COG5: variants seen among roughly 807,000 people sequenced by gnomAD.
COG5 encodes component of oligomeric golgi complex 5, also known as conserved oligomeric Golgi complex subunit 5.
A neutral mutation model predicts 110.4 loss-of-function variants in COG5; 86 were observed. The observed-to-expected ratio is 0.78, with a 90% CI of 0.65 to 0.93. COG5 has a LOEUF of 0.93. Ranked by LOEUF, COG5 falls within the 40% of genes least tolerant of loss-of-function variation. COG5 has a pLI of 0.00. For synonymous variants in COG5, 360 were observed against 334.6 expected, an observed-to-expected ratio of 1.08 and a Z score of -0.83; for missense variants, 1,077 against 987.0, an observed-to-expected ratio of 1.09 and a Z score of -1.22.
intron 6 of COG5, among the ~76,000 whole-genome samples, chr7:107,499,751 G>T (rs117230757): frequency 1.7e-3 from 257 of 152,202 alleles, no homozygotes; most frequent in African/African-American, 5.9e-3. Context: ...AGAGGGAACT[G>T]GAGTCTGTTA....
intron 20 of COG5, 25 bp from the exon 21 acceptor site, chr7:107,210,630 G>T: frequency 6.3e-7 from 1 of 1,580,306 alleles, no homozygotes; most frequent in Non-Finnish European, 8.6e-7. Context: ...CACAATTAGA[G>T]AGAGTGCATA....
At chr7:107,350,134 T>A (rs912943532) in intron 10 of COG5, among the ~76,000 whole-genome samples, 1 of 152,222 alleles carries the variant, frequency 6.6e-6, no homozygotes, top group African/African-American at 2.4e-5. Flanking sequence ...ATTGAGAGGA[T>A]CATACAAATT....
chr7:107,416,747 G>A lies in COG5; in HGVS notation c.539-4115C>T, dbSNP rs149747327. The stretch of plus-strand genomic sequence containing the variant: ...TAGACATGGATAATAAGACAAATCA[G>A]TTAAAATGTATAATGTCTGTATGAG... On this transcript the variant is annotated intron_variant, in intron 6 of 21. Transcript: ENST00000297135. Among the ~76,000 whole-genome samples the A allele has an allele frequency of 2.6e-5, 4 of 152,214 alleles. No individual in the cohort carries two copies. The East Asian group carries it at 5.8e-4, about 22-fold the overall frequency.
chr7:107,478,970 C>T (rs1797151564), intron 6 of COG5, among the ~76,000 whole-genome samples: 1 of 151,918 alleles, frequency 6.6e-6, no homozygotes, highest in South Asian at 2.1e-4. Flanking sequence ...CTTTGTGATT[C>T]AATTAGCATT....
At chr7:107,317,312 A>G (rs566632268) in intron 11 of COG5, among the ~76,000 whole-genome samples, 1 of 152,202 alleles carries the variant, frequency 6.6e-6, no homozygotes, top group South Asian at 2.1e-4. Flanking sequence ...AGTTCACAAA[A>G]TAGAATACCG....
intron 6 of COG5, among the ~76,000 whole-genome samples, chr7:107,473,186 G>C (rs1796742928): frequency 6.6e-6 from 1 of 151,738 alleles, no homozygotes; most frequent in African/African-American, 2.4e-5. Flanking sequence ...AATGTCAACT[G>C]ATATATTCCT....
At chr7:107,284,439 T>C (rs1213660130) in intron 12 of COG5, among the ~76,000 whole-genome samples, 3 of 152,238 alleles carry the variant, frequency 2.0e-5, no homozygotes, top group Non-Finnish European at 4.4e-5. Flanking sequence ...CTCCATTAGC[T>C]TGGCCCTTTC....
intron 19 of COG5, among the ~76,000 whole-genome samples, chr7:107,217,417 C>A (rs535597616): frequency 3.5e-4 from 53 of 152,142 alleles, no homozygotes; most frequent in Non-Finnish European, 6.0e-4. Context: ...ACTAAAGCCA[C>A]AAAATGACAT....
chr7:107,210,218 G>A (rs372222432), intron 21 of COG5: 27 of 1,228,446 alleles, frequency 2.2e-5, no homozygotes, highest in Middle Eastern at 3.3e-4. Context: ...GCGGAGCTAG[G>A]GCAAAACTTT....
chr7:107,403,322 T>C (rs1791575287), intron 7 of COG5, among the ~76,000 whole-genome samples: 2 of 152,160 alleles, frequency 1.3e-5, no homozygotes, highest in South Asian at 4.1e-4. Flanking sequence ...GAAGTCCAAG[T>C]TCAAGGTGCC....
chr7:107,388,981 A>G (rs1462374523), intron 7 of COG5, among the ~76,000 whole-genome samples: 2 of 152,212 alleles, frequency 1.3e-5, no homozygotes, highest in Non-Finnish European at 2.9e-5. Flanking sequence ...CCAGACACAG[A>G]CACCATTTAC....
chr7:107,358,874 G>A (rs975848470), intron 10 of COG5, among the ~76,000 whole-genome samples: 1 of 152,212 alleles, frequency 6.6e-6, no homozygotes, highest in Non-Finnish European at 1.5e-5. Flanking sequence ...CTCTTTGGAA[G>A]CTTGCATCTG....
chr7:107,371,989 G>C (rs996026528), intron 8 of COG5, among the ~76,000 whole-genome samples: 1 of 152,132 alleles, frequency 6.6e-6, no homozygotes, highest in Non-Finnish European at 1.5e-5. Flanking sequence ...CTTCTTTTAC[G>C]GAGAACTGTG....
intron 11 of COG5, among the ~76,000 whole-genome samples, chr7:107,304,102 C>G (rs975171989): frequency 2.6e-5 from 4 of 152,046 alleles, no homozygotes; most frequent in Non-Finnish European, 5.9e-5. Flanking sequence ...GGGGAAAAAC[C>G]TCTGATTAAG....
Position 107,306,635 on chromosome 7 carries a change from T to C in COG5, c.1109-8289A>G, listed in dbSNP as rs77597669. On this transcript the variant is annotated intron_variant, in intron 11 of 21. Transcript: ENST00000297135. ...TCATAATGGCAGCAACACAAAGTTA[T>C]GGAATCCAATACCAACTAGGTATGC... 6.2e-3 allele frequency among the ~76,000 whole-genome samples: 948 copies of C among 152,330 alleles called. 9 individuals are homozygous for C. The highest frequency in any genetic ancestry group is 0.016 in the African/African-American group (649 of 41,570).
At chr7:107,356,693 C>T (rs1584722284) in intron 10 of COG5, among the ~76,000 whole-genome samples, 1 of 151,604 alleles carries the variant, frequency 6.6e-6, no homozygotes, top group African/African-American at 2.4e-5. Context: ...AATGATTGCC[C>T]TAGGGAAAAA....
intron 14 of COG5, among the ~76,000 whole-genome samples, chr7:107,264,769 A>G (rs1366096257): frequency 6.6e-6 from 1 of 152,156 alleles, no homozygotes. Flanking sequence ...TTATACACAA[A>G]GATTATATTT....
intron 6 of COG5, among the ~76,000 whole-genome samples, chr7:107,520,334 T>C (rs565177342): frequency 3.3e-5 from 5 of 152,250 alleles, no homozygotes; most frequent in African/African-American, 1.2e-4. Flanking sequence ...CGTATTCAAA[T>C]AGGAAGAGAG....
intron 12 of COG5, among the ~76,000 whole-genome samples, chr7:107,285,181 G>T (rs1049133249): frequency 6.6e-6 from 1 of 152,192 alleles, no homozygotes; most frequent in Non-Finnish European, 1.5e-5. Flanking sequence ...AAATTGGCAG[G>T]TAAAATGCTA....
Sources: gnomAD v4.1 joint callset for allele counts (sites outside exome capture counted in the v4.1 genomes callset) on GRCh38, gnomAD v4.1.1 for gene constraint, MANE v1.5 for transcripts, NCBI Gene and HGNC (gene_info 2026-07-23, HGNC 2026-07-21) for gene names.